GNPDA2: variants seen among roughly 807,000 people sequenced by gnomAD.
The protein encoded by GNPDA2 is glcN6P deaminase 2.
GNPDA2 carries 24 observed loss-of-function variants against 27.0 expected under a neutral mutation model. That is an observed-to-expected ratio of 0.89 (90% CI 0.64 to 1.25). The LOEUF is 1.25. GNPDA2 is among the 50% of genes most tolerant of loss of function. GNPDA2 has a pLI of 0.00. For synonymous variants in GNPDA2, 94 were observed against 108.4 expected, an observed-to-expected ratio of 0.87 and a Z score of 0.83; for missense variants, 286 against 335.1, an observed-to-expected ratio of 0.85 and a Z score of 1.14.
chr4:44,717,355 CTTTTT>C (rs1717370466), intron 3 of GNPDA2, 60 bp from the exon 4 acceptor site: 3 of 947,506 alleles, frequency 3.2e-6, no homozygotes, highest in Non-Finnish European at 4.6e-6. Flanking sequence ...GTTTATTTTT[CTTTTT>C]AAGTCATAAG....
chr4:44,705,072 T>C, intron 6 of GNPDA2: 1 of 984,676 alleles, frequency 1.0e-6, no homozygotes, highest in African/African-American at 1.7e-5. Context: ...GTTTTGGATC[T>C]AGTTAACCTA....
intron 5 of GNPDA2, among the ~76,000 whole-genome samples, chr4:44,708,552 A>G (rs1047881562): frequency 6.6e-6 from 1 of 152,050 alleles, no homozygotes; most frequent in Admixed American, 6.6e-5. Flanking sequence ...TACCCTTATA[A>G]GCTACAGAAA....
intron 3 of GNPDA2, among the ~76,000 whole-genome samples, chr4:44,717,866 T>A (rs1717408548): frequency 6.6e-6 from 1 of 151,902 alleles, no homozygotes; most frequent in Admixed American, 6.6e-5. Flanking sequence ...GGTAGGCAAG[T>A]TAACAATAAA....
Position 44,702,267 on chromosome 4 carries a change from CT to C in GNPDA2, c.*813del. The C allele has an allele frequency of 1.6e-6, 1 of 613,188 alleles. No individual in the cohort carries two copies. The allele number at this position is 613,188 out of a possible 1,614,324, so 38.0% of individuals were successfully genotyped here. On this transcript the variant is annotated 3_prime_UTR_variant, in exon 7 of 7. Coordinates refer to ENST00000295448, the MANE Select transcript of GNPDA2 (RefSeq NM_138335.3). ...CCTTTTATATATACTTCGTATTATTCTTTTAGACATTTTATAAGGAATAAAG... is the reference window on the plus strand; with the variant it reads ...CCTTTTATATATACTTCGTATTATTCTTTAGACATTTTATAAGGAATAAAG...
intron 2 of GNPDA2, among the ~76,000 whole-genome samples, chr4:44,720,646 G>A (rs1717605706): frequency 6.6e-6 from 1 of 152,108 alleles, no homozygotes; most frequent in Non-Finnish European, 1.5e-5. Context: ...CCTGGTACAA[G>A]CAATTACCGA....
At chr4:44,718,042 G>A (rs1717421241) in intron 3 of GNPDA2, among the ~76,000 whole-genome samples, 1 of 151,884 alleles carries the variant, frequency 6.6e-6, no homozygotes, top group Admixed American at 6.6e-5. Flanking sequence ...TTACATCACT[G>A]TTGAGTGGCA....
intron 4 of GNPDA2, among the ~76,000 whole-genome samples, chr4:44,712,152 T>A (rs893981989): frequency 2.6e-5 from 4 of 152,146 alleles, no homozygotes; most frequent in Admixed American, 1.3e-4. Context: ...TTCCATGACA[T>A]AAATAAATCG....
Position 44,717,275 on chromosome 4 carries a change from C to A in GNPDA2, c.247G>T (p.Glu83Ter). The A allele has an allele frequency of 6.7e-7, 1 of 1,498,470 alleles. No homozygotes were observed. The allele number at this position is 1,498,470 out of a possible 1,614,324, so 92.8% of individuals were successfully genotyped here. A position where few individuals can be genotyped will look rare whatever the true frequency, so the allele number is the denominator to read the frequency against. The change falls in exon 4 of 7, where the codon GAA becomes TAA. Residue 83 changes from glutamate to a stop codon, truncating the protein, a stop_gained. Coordinates refer to ENST00000295448, the MANE Select transcript of GNPDA2 (RefSeq NM_138335.3). LOFTEE classifies it high-confidence loss of function. The stretch of plus-strand genomic sequence containing the variant: ...TTCCACATATAAGAATGGTAGCTTT[C>A]AGGATGATTTCTTGGAAGTCCTAAA... ...EYVGLPRNHP[E>*]SYHSYMWNNF...
chr4:44,705,276 A>T, intron 6 of GNPDA2: 1 of 981,930 alleles, frequency 1.0e-6, no homozygotes, highest in Non-Finnish European at 1.2e-6. Flanking sequence ...TACATTTGAA[A>T]TGTGTTTATT....
Position 44,717,145 on chromosome 4 carries a change from T to A in GNPDA2, c.377A>T (p.Lys126Ile). 1 of 1,608,794 alleles carries A rather than the reference T, an allele frequency of 6.2e-7. No homozygotes were observed. Among genetic ancestry groups the A allele is most frequent in the Non-Finnish European group, 8.5e-7 (1 of 1,177,818 alleles). ...AECDAFENKI[K>I]EAGGIDLFVG... is the part of the protein sequence containing the mutation. ...AAAAAGATCTATTCCTCCAGCTTCT[T>A]TTATTTTGTTTTCAAAAGCATCACA... Residue 126 changes from lysine (K) to isoleucine (I), a missense_variant, in exon 4 of 7, where the codon AAA becomes ATA. By Grantham distance (102) the Lys-to-Ile change is moderately radical (BLOSUM62 -3). Transcript: ENST00000295448.
intron 5 of GNPDA2, among the ~76,000 whole-genome samples, chr4:44,709,309 A>G (rs1234507347): frequency 6.6e-6 from 1 of 152,156 alleles, no homozygotes; most frequent in Non-Finnish European, 1.5e-5. Flanking sequence ...TCTATGGCTA[A>G]GGCATAGATA....
Position 44,702,069 on chromosome 4 carries a change from A to C in GNPDA2, c.*1012T>G. ...CCTAATGCATGATGGTAACAAACCC[A>C]AAATGAATGCAGGTTCACATGTACT... On this transcript the variant is annotated 3_prime_UTR_variant, in exon 7 of 7. Coordinates refer to ENST00000295448, the MANE Select transcript of GNPDA2 (RefSeq NM_138335.3). 1.0e-6 allele frequency: 1 copy of C among 985,508 alleles called. No individual in the cohort carries two copies. The highest frequency in any genetic ancestry group is 1.2e-6 in the Non-Finnish European group (1 of 829,660). 61.0% of individuals were successfully genotyped at this position (985,508 alleles called of 1,614,324 possible).
intron 6 of GNPDA2, chr4:44,706,493 G>A (rs941683005): frequency 6.6e-6 from 1 of 151,898 alleles, no homozygotes; most frequent in African/African-American, 2.4e-5. Flanking sequence ...CTTGCCAAAT[G>A]TCAGTTATTT....
At chr4:44,723,303 G>A (rs1560365358) in intron 1 of GNPDA2, among the ~76,000 whole-genome samples, 2 of 152,084 alleles carry the variant, frequency 1.3e-5, no homozygotes, top group African/African-American at 4.8e-5. Flanking sequence ...TTTGTTACAT[G>A]GATATATTAT....
At chr4:44,714,576 A>G (rs1466598619) in intron 4 of GNPDA2, 21 of 984,162 alleles carry the variant, frequency 2.1e-5, no homozygotes, top group Non-Finnish European at 2.5e-5. Context: ...CCCAAACTGC[A>G]ATCTCTATTT....
chr4:44,710,758 T>G (rs1716923270), intron 5 of GNPDA2, among the ~76,000 whole-genome samples, 195 bp downstream of exon 5: 1 of 152,168 alleles, frequency 6.6e-6, no homozygotes, highest in African/African-American at 2.4e-5. Flanking sequence ...AATTCTTAGT[T>G]TACAGCTCCA....
At chr4:44,717,641 AATT>A (rs748903022) in intron 3 of GNPDA2, among the ~76,000 whole-genome samples, 3 of 151,846 alleles carry the variant, frequency 2.0e-5, no homozygotes, top group African/African-American at 4.8e-5. Context: ...TCAAACACAA[AATT>A]TTAACCAATG....
intron 6 of GNPDA2, chr4:44,705,521 A>G (rs17462776): frequency 0.1 from 98,293 of 961,670 alleles, 5,341 homozygotes; most frequent in Middle Eastern, 0.15. Flanking sequence ...AAGAGCTTAC[A>G]ATTAGATGAA....
intron 1 of GNPDA2, among the ~76,000 whole-genome samples, chr4:44,722,716 G>A: frequency 6.6e-6 from 1 of 152,140 alleles, no homozygotes; most frequent in African/African-American, 2.4e-5. Flanking sequence ...CAAGTACTAT[G>A]TCATACAATA....
Sources: gnomAD v4.1 joint callset for allele counts (sites outside exome capture counted in the v4.1 genomes callset) on GRCh38, gnomAD v4.1.1 for gene constraint, MANE v1.5 for transcripts, NCBI Gene and HGNC (gene_info 2026-07-23, HGNC 2026-07-21) for gene names.